The following ROBO1 variants were observed in gnomAD, a reference collection of about 807,000 sequenced individuals.
The protein encoded by ROBO1 is roundabout guidance receptor 1.
ROBO1 carries 149 observed loss-of-function variants against 195.9 expected under a neutral mutation model. The observed-to-expected ratio is 0.76, with a 90% CI of 0.67 to 0.87. The LOEUF (loss-of-function observed/expected upper bound fraction) is 0.87, where lower values mean the gene tolerates loss of function less well. Among genes scored for constraint, ROBO1 ranks in the 40% least tolerant of loss-of-function variants. The pLI is 0.00. For missense variants in ROBO1, 1,933 were observed against 2,068.3 expected, an observed-to-expected ratio of 0.93 and a Z score of 1.27; for synonymous variants, 816 against 733.2, an observed-to-expected ratio of 1.11 and a Z score of -1.82.
intron 25 of ROBO1, among the ~76,000 whole-genome samples, chr3:78,629,601 T>C (rs1457876651): frequency 6.6e-6 from 1 of 152,068 alleles, no homozygotes; most frequent in Non-Finnish European, 1.5e-5. Context: ...GAGGCTGAGA[T>C]GGGAGGATCA....
chr3:78,660,921 AAGTT>A (rs1325118434), intron 16 of ROBO1, 105 bp downstream of exon 16: 209 of 784,380 alleles, frequency 2.7e-4, no homozygotes, highest in Admixed American at 1.5e-4. Flanking sequence ...AATATCAAGA[AAGTT>A]AGTAATTAAT....
intron 2 of ROBO1, among the ~76,000 whole-genome samples, chr3:79,291,328 A>G (rs1301161696): frequency 6.6e-6 from 1 of 152,116 alleles, no homozygotes; most frequent in East Asian, 1.9e-4. Flanking sequence ...AATATAACCA[A>G]TGCAGTCTCC....
At chr3:79,097,253 A>G (rs2108502473) in intron 3 of ROBO1, among the ~76,000 whole-genome samples, 1 of 151,960 alleles carries the variant, frequency 6.6e-6, no homozygotes, top group African/African-American at 2.4e-5. Flanking sequence ...TTATTTCTAA[A>G]TTACTGATTT....
chr3:79,287,016 A>T lies in ROBO1; in HGVS notation c.89-161477T>A, dbSNP rs78028760. On this transcript the variant is annotated intron_variant, in intron 2 of 30. Transcript: ENST00000464233. Reference sequence around the variant, plus strand: ...CATGCATATGGTGATATCATTGTACATATATGTCCTTTTGTGTGTCCATTT... The same window carrying T: ...CATGCATATGGTGATATCATTGTACTTATATGTCCTTTTGTGTGTCCATTT... 2.5e-3 allele frequency among the ~76,000 whole-genome samples: 383 copies of T among 152,268 alleles called. 4 individuals are homozygous for T. The highest frequency in any genetic ancestry group is 8.0e-3 in the African/African-American group (331 of 41,564).
Position 79,509,987 on chromosome 3 carries a change from T to C in ROBO1, c.88+79837A>G, listed in dbSNP as rs1032894398. On this transcript the variant is annotated intron_variant, in intron 2 of 30. Transcript: ENST00000464233. ...ATCATCACATGCAACTTCTGAGATA[T>C]GAACTACTATAATCACAAAAAAAAA... 2.0e-5 allele frequency among the ~76,000 whole-genome samples: 3 copies of C among 151,906 alleles called. No individual in the cohort carries two copies. The South Asian group carries it at 6.2e-4, about 31-fold the overall frequency.
intron 3 of ROBO1, among the ~76,000 whole-genome samples, chr3:79,044,024 C>G (rs530255814): frequency 6.6e-6 from 1 of 151,604 alleles, no homozygotes; most frequent in South Asian, 2.1e-4. Context: ...AATAGTGTAT[C>G]AGGGGCGTCC....
intron 3 of ROBO1, among the ~76,000 whole-genome samples, chr3:79,069,649 G>A (rs2079055377): frequency 6.6e-6 from 1 of 151,900 alleles, no homozygotes; most frequent in Non-Finnish European, 1.5e-5. Context: ...GCAAAGAGAA[G>A]CAGTAAGTGG....
intron 2 of ROBO1, among the ~76,000 whole-genome samples, chr3:79,585,927 C>A (rs190566181): frequency 4.6e-5 from 7 of 151,794 alleles, no homozygotes; most frequent in Non-Finnish European, 8.8e-5. Context: ...ATATATTTTC[C>A]TAATATATGA....
intron 2 of ROBO1, among the ~76,000 whole-genome samples, chr3:79,230,905 A>T (rs1220723099): frequency 6.6e-6 from 1 of 152,146 alleles, no homozygotes; most frequent in Admixed American, 6.6e-5. Flanking sequence ...GACAACCCAA[A>T]AATAAGACTG....
At chr3:79,742,154 T>G (rs2107429406) in intron 1 of ROBO1, among the ~76,000 whole-genome samples, 1 of 152,318 alleles carries the variant, frequency 6.6e-6, no homozygotes, top group Admixed American at 6.5e-5. Flanking sequence ...GGGGAGAAAT[T>G]CAAGCCTGCT....
At chr3:78,859,077 G>T (rs2034632532) in intron 4 of ROBO1, among the ~76,000 whole-genome samples, 1 of 152,106 alleles carries the variant, frequency 6.6e-6, no homozygotes. Flanking sequence ...TTTCCAAGTG[G>T]ACTACAGCAG....
chr3:78,959,117 T>C (rs1247937837), intron 3 of ROBO1, among the ~76,000 whole-genome samples: 1 of 152,056 alleles, frequency 6.6e-6, no homozygotes, highest in Admixed American at 6.6e-5. Flanking sequence ...TTCTTCTTAA[T>C]AAGTCAAGTG....
chr3:78,883,305 T>C (rs1384064135), intron 4 of ROBO1, among the ~76,000 whole-genome samples: 2 of 152,138 alleles, frequency 1.3e-5, no homozygotes, highest in East Asian at 3.9e-4. Flanking sequence ...TGTACTGATA[T>C]TTCCCCATGA....
intron 4 of ROBO1, among the ~76,000 whole-genome samples, chr3:78,757,333 T>G (rs1391250346): frequency 6.6e-6 from 1 of 152,182 alleles, no homozygotes; most frequent in Non-Finnish European, 1.5e-5. Flanking sequence ...TGTTTTCAAC[T>G]TTTATTTTCA....
chr3:78,849,398 TA>T (rs2033886118), intron 4 of ROBO1, among the ~76,000 whole-genome samples: 1 of 152,080 alleles, frequency 6.6e-6, no homozygotes, highest in South Asian at 2.1e-4. Context: ...TATAACTACA[TA>T]TGAAAAAATG....
chr3:78,686,252 A>T (rs2107826171), intron 9 of ROBO1, among the ~76,000 whole-genome samples: 1 of 152,204 alleles, frequency 6.6e-6, no homozygotes, highest in Non-Finnish European at 1.5e-5. Flanking sequence ...GCAATATTAG[A>T]TATATAAGAA....
intron 3 of ROBO1, among the ~76,000 whole-genome samples, chr3:78,982,718 C>T (rs2077023937): frequency 6.6e-6 from 1 of 151,670 alleles, no homozygotes; most frequent in Non-Finnish European, 1.5e-5. Context: ...AACATCCACC[C>T]CCCAGGTTCA....
chr3:78,677,086 G>C (rs1037369097), intron 10 of ROBO1, among the ~76,000 whole-genome samples: 1 of 152,156 alleles, frequency 6.6e-6, no homozygotes, highest in Admixed American at 6.6e-5. Context: ...AGCTTCATAA[G>C]TGAAGGAGTA....
intron 16 of ROBO1, 69 bp from the exon 17 acceptor site, chr3:78,659,876 T>G (rs1707276906): frequency 6.5e-6 from 8 of 1,221,736 alleles, no homozygotes; most frequent in African/African-American, 1.6e-5. Context: ...GTAATTAATA[T>G]CAAACCCAAT....
Sources: gnomAD v4.1 joint callset for allele counts (sites outside exome capture counted in the v4.1 genomes callset) on GRCh38, gnomAD v4.1.1 for gene constraint, MANE v1.5 for transcripts, NCBI Gene and HGNC (gene_info 2026-07-23, HGNC 2026-07-21) for gene names.